Variants in FBN1 observed in about 807,000 individuals in gnomAD.
FBN1 encodes fibrillin 1, also known as fibrillin-1.
A neutral mutation model predicts 365.1 loss-of-function variants in FBN1; 29 were observed. That is an observed-to-expected ratio of 0.08 (90% CI 0.06 to 0.11). FBN1 has a LOEUF of 0.11. Ranked by LOEUF, FBN1 falls within the 10% of genes least tolerant of loss-of-function variation. The pLI, the probability that FBN1 is intolerant of heterozygous loss-of-function variation, is 1.00. For missense variants in FBN1, 2,476 were observed against 3,703.2 expected (o/e 0.67, Z 8.60); for synonymous variants, 1,210 against 1,270.5 (o/e 0.95, Z 1.01).
intron 5 of FBN1, among the ~76,000 whole-genome samples, chr15:48,597,345 CA>C (rs1267007165): frequency 1.3e-5 from 2 of 152,214 alleles, no homozygotes. Context: ...GGCTCACAGC[CA>C]ATGACTAAAC....
intron 8 of FBN1, chr15:48,529,518 A>G (rs1293480272): frequency 1.3e-5 from 2 of 152,260 alleles, no homozygotes; most frequent in Non-Finnish European, 2.9e-5. Context: ...GACAGGCATC[A>G]CCATCTATTA....
intron 6 of FBN1, among the ~76,000 whole-genome samples, chr15:48,547,967 C>T (rs1313919596): frequency 6.6e-6 from 1 of 152,046 alleles, no homozygotes; most frequent in East Asian, 1.9e-4. Flanking sequence ...GTGAACCGTG[C>T]AAAAGACAGG....
chr15:48,510,431 C>T lies in FBN1; in HGVS notation c.1589-262G>A, dbSNP rs533108646. Among the ~76,000 whole-genome samples the T allele has an allele frequency of 1.8e-4, 28 of 152,208 alleles. No homozygotes were observed. In the South Asian group the frequency reaches 5.6e-3, roughly 30 times the overall value. On this transcript the variant is annotated intron_variant, in intron 13 of 65. Coordinates refer to ENST00000316623, the MANE Select transcript of FBN1 (RefSeq NM_000138.5). ...ACTCCTTAAATCCGAAGTCTGTAAA[C>T]AAAATAGATTCTTCTTCACCATTTT...
chr15:48,487,989 GA>G, intron 27 of FBN1, 123 bp downstream of exon 27: 1 of 1,286,424 alleles, frequency 7.8e-7, no homozygotes, highest in Non-Finnish European at 1.1e-6. Context: ...CTCTGTTGCA[GA>G]CTGATTCCTA....
At chr15:48,553,666 T>G (rs916937376) in intron 6 of FBN1, among the ~76,000 whole-genome samples, 1 of 149,908 alleles carries the variant, frequency 6.7e-6, no homozygotes, top group African/African-American at 2.5e-5. Flanking sequence ...GAGTGTGAGA[T>G]GAGCCATTTT....
intron 6 of FBN1, among the ~76,000 whole-genome samples, chr15:48,557,143 C>T (rs1216533814): frequency 6.6e-6 from 1 of 152,126 alleles, no homozygotes; most frequent in Non-Finnish European, 1.5e-5. Context: ...AAAAGAAAAG[C>T]ACTTAGAACC....
intron 30 of FBN1, 42 bp from the exon 31 acceptor site, chr15:48,483,985 G>A: frequency 6.2e-7 from 1 of 1,604,440 alleles, no homozygotes; most frequent in Non-Finnish European, 8.5e-7. Context: ...GTTGATATTG[G>A]TTCCACTGTT....
At chr15:48,435,505 T>G (rs2043058503) in intron 53 of FBN1, among the ~76,000 whole-genome samples, 1 of 152,034 alleles carries the variant, frequency 6.6e-6, no homozygotes, top group Admixed American at 6.6e-5. Context: ...TTAAGTAAAA[T>G]TAATACATCA....
chr15:48,583,130 G>T (rs534905246), intron 6 of FBN1, among the ~76,000 whole-genome samples: 1 of 152,314 alleles, frequency 6.6e-6, no homozygotes, highest in Admixed American at 6.5e-5. Context: ...CCAGAAGGCG[G>T]GATGCGTGTG....
In FBN1 at chr15:48,608,377, C is replaced by T. The variant is rs549063639; in HGVS notation, c.346+2351G>A. 2.0e-5 allele frequency among the ~76,000 whole-genome samples: 3 copies of T among 152,296 alleles called. No homozygotes were observed. In the South Asian group the frequency reaches 6.2e-4, roughly 32 times the overall value. On this transcript the variant is annotated intron_variant, in intron 4 of 65. Coordinates refer to ENST00000316623, the MANE Select transcript of FBN1 (RefSeq NM_000138.5). ...CCACATGTAGTGAATGCAAACATTTCACTGAGTAGAATTGTCCTTCTATTA... is the reference window on the plus strand; with the variant it reads ...CCACATGTAGTGAATGCAAACATTTTACTGAGTAGAATTGTCCTTCTATTA...
At chr15:48,552,602 A>T (rs2044152362) in intron 6 of FBN1, among the ~76,000 whole-genome samples, 1 of 152,102 alleles carries the variant, frequency 6.6e-6, no homozygotes, top group Non-Finnish European at 1.5e-5. Context: ...AATCACCACC[A>T]GCTACCATAT....
At chr15:48,461,819 A>G (rs1267424638) in intron 42 of FBN1, among the ~76,000 whole-genome samples, 3 of 152,238 alleles carry the variant, frequency 2.0e-5, no homozygotes, top group Non-Finnish European at 4.4e-5. Context: ...GCTCTAAAAA[A>G]GTTTTATTTA....
At chr15:48,493,890 T>C (rs1657857760) in intron 23 of FBN1, among the ~76,000 whole-genome samples, 1 of 152,152 alleles carries the variant, frequency 6.6e-6, no homozygotes, top group Non-Finnish European at 1.5e-5. Context: ...AAAGGCAAAT[T>C]TTACAGACTC....
chr15:48,441,291 T>A (rs1458917489), intron 50 of FBN1, among the ~76,000 whole-genome samples: 2 of 152,296 alleles, frequency 1.3e-5, no homozygotes, highest in East Asian at 1.9e-4. Context: ...ATATAAGGGA[T>A]GGTTACCATA....
chr15:48,536,611 T>G (rs2044015662), intron 7 of FBN1, among the ~76,000 whole-genome samples: 1 of 152,244 alleles, frequency 6.6e-6, no homozygotes, highest in Admixed American at 6.5e-5. Context: ...GGTGACTTAT[T>G]TCTTCTCCTG....
rs1389310112 is a variant in FBN1, at chr15:48,600,601, G to A, written c.347-367C>T. On this transcript the variant is annotated intron_variant, in intron 4 of 65. Coordinates refer to ENST00000316623, the MANE Select transcript of FBN1 (RefSeq NM_000138.5). ...TGCCTGTAATCCCAGCCACTCCGGA[G>A]GCTGAGGCAAGAGAATCGCTTGAAC... Among the ~76,000 whole-genome samples the A allele has an allele frequency of 1.3e-5, 2 of 152,210 alleles. 1 individual carries two copies. Among genetic ancestry groups the A allele is most frequent in the Non-Finnish European group, 2.9e-5 (2 of 68,044 alleles).
chr15:48,496,573 T>C (rs960986862), intron 19 of FBN1, among the ~76,000 whole-genome samples: 2 of 152,152 alleles, frequency 1.3e-5, no homozygotes, highest in African/African-American at 4.8e-5. Flanking sequence ...ATTCATTTTG[T>C]CGAATTAAAA....
intron 65 of FBN1, among the ~76,000 whole-genome samples, chr15:48,411,667 C>T (rs1403003258): frequency 6.6e-6 from 1 of 152,248 alleles, no homozygotes; most frequent in African/African-American, 2.4e-5. Context: ...ACCTGGGAAT[C>T]TGTTAGAAAT....
chr15:48,566,791 A>T (rs775356767), intron 6 of FBN1, among the ~76,000 whole-genome samples: 90 of 152,204 alleles, frequency 5.9e-4, no homozygotes, highest in Non-Finnish European at 1.3e-4. Context: ...AAAACAACTG[A>T]TATCTAGAGA....
Sources: allele counts gnomAD v4.1 joint callset (sites outside exome capture counted in the v4.1 genomes callset), GRCh38; gene constraint gnomAD v4.1.1; transcripts MANE v1.5; gene names NCBI Gene and HGNC (gene_info 2026-07-23, HGNC 2026-07-21).